Variants in MFN1 observed in about 807,000 individuals in gnomAD.
The protein encoded by MFN1 is mitofusin 1.
In MFN1, 65 loss-of-function variants were observed where a neutral mutation model predicts 92.4. That is an observed-to-expected ratio of 0.70 (90% CI 0.58 to 0.86). The LOEUF (loss-of-function observed/expected upper bound fraction) is 0.86. Ranked by LOEUF, MFN1 falls within the 40% of genes least tolerant of loss-of-function variation. The pLI, the probability that MFN1 is intolerant of heterozygous loss-of-function variation, is 0.00. For missense variants in MFN1, 781 were observed against 868.0 expected, an observed-to-expected ratio of 0.90 and a Z score of 1.26; for synonymous variants, 297 against 300.9, an observed-to-expected ratio of 0.99 and a Z score of 0.13.
chr3:179,365,893 A>G (rs2108535736), intron 7 of MFN1, among the ~76,000 whole-genome samples: 1 of 152,352 alleles, frequency 6.6e-6, no homozygotes, highest in African/African-American at 2.4e-5. Context: ...ATCTGTGACT[A>G]TACTACAATT....
intron 11 of MFN1, 21 bp from the exon 12 acceptor site, chr3:179,377,323 C>T: frequency 1.3e-6 from 2 of 1,564,584 alleles, no homozygotes; most frequent in Non-Finnish European, 1.7e-6. Flanking sequence ...TATTTTAACT[C>T]CAAAATTTTC....
intron 14 of MFN1, 100 bp downstream of exon 14, chr3:179,378,914 A>T: frequency 1.1e-6 from 1 of 880,080 alleles, no homozygotes; most frequent in Non-Finnish European, 1.7e-6. Context: ...GCACATTTAA[A>T]AGCTAGTATC....
chr3:179,348,527 AC>A (rs1712010234), intron 1 of MFN1, among the ~76,000 whole-genome samples: 1 of 152,206 alleles, frequency 6.6e-6, no homozygotes, highest in African/African-American at 2.4e-5. Flanking sequence ...CGCCTCACTA[AC>A]CCTGTTCCCT....
intron 5 of MFN1, among the ~76,000 whole-genome samples, chr3:179,363,210 T>G (rs991095614): frequency 2.6e-5 from 4 of 152,112 alleles, no homozygotes; most frequent in Admixed American, 6.5e-5. Flanking sequence ...TTCAAGCCAT[T>G]CTTGTGCCTC....
chr3:179,377,374 C>G lies in MFN1; in HGVS notation c.1255C>G (p.Arg419Gly), dbSNP rs1456956963. The part of the protein sequence containing the change: ...VSCAMTDEIC[R>G]LSVLVDEFCS... The stretch of plus-strand genomic sequence containing the variant: ...ATGTGCAATGACAGATGAAATTTGT[C>G]GACTGTCTGTTTTGGTTGATGAATT... The change falls in exon 12 of 18, where the codon CGA (arginine) becomes GGA (glycine). Residue 419 changes from arginine to glycine, a missense_variant. Arg to Gly is a moderately radical substitution (Grantham distance 125). Transcript: ENST00000471841. 6.2e-7 allele frequency: 1 copy of G among 1,608,976 alleles called. No individual in the cohort carries two copies. The highest frequency in any genetic ancestry group is 1.3e-5 in the African/African-American group (1 of 74,876).
intron 14 of MFN1, among the ~76,000 whole-genome samples, chr3:179,382,049 T>G (rs892368162): frequency 8.8e-5 from 13 of 147,638 alleles, no homozygotes; most frequent in Admixed American, 7.0e-4. Context: ...TCAAATAAAC[T>G]AGCATAAATA....
intron 15 of MFN1, 127 bp downstream of exon 15, chr3:179,385,848 G>T: frequency 2.1e-6 from 2 of 931,386 alleles, no homozygotes; most frequent in Admixed American, 3.2e-5. Flanking sequence ...ATGAAAATTT[G>T]CAGGTTAAAA....
intron 3 of MFN1, 52 bp from the exon 4 acceptor site, chr3:179,358,787 AC>A: frequency 1.9e-6 from 3 of 1,545,388 alleles, no homozygotes; most frequent in Non-Finnish European, 2.6e-6. Context: ...CAGTGAAAGA[AC>A]TACTTTTTTT....
At chr3:179,378,481 T>A (rs746040604) in intron 13 of MFN1, 38 bp downstream of exon 13, 27 of 1,549,004 alleles carry the variant, frequency 1.7e-5, no homozygotes, top group Middle Eastern at 1.7e-4. Context: ...CTGGTTTGTT[T>A]TTTCATTCAT....
chr3:179,387,410 G>C (rs1000485094), intron 16 of MFN1, among the ~76,000 whole-genome samples: 1 of 151,964 alleles, frequency 6.6e-6, no homozygotes, highest in East Asian at 2.0e-4. Flanking sequence ...GCCGGGCATG[G>C]TAGCACATGC....
intron 4 of MFN1, among the ~76,000 whole-genome samples, chr3:179,360,087 T>G (rs1712515856): frequency 1.3e-5 from 2 of 151,984 alleles, no homozygotes; most frequent in African/African-American, 4.8e-5. Flanking sequence ...GCCTAATTTT[T>G]GTAATTTTAG....
intron 4 of MFN1, chr3:179,359,624 G>A (rs56202632): frequency 7.5e-5 from 6 of 80,312 alleles, no homozygotes; most frequent in African/African-American, 2.7e-4. Context: ...TTTTTTATTA[G>A]AGACAGGGTT....
At chr3:179,377,751 CAGTG>C (rs1713298430) in intron 12 of MFN1, among the ~76,000 whole-genome samples, 2 of 151,932 alleles carry the variant, frequency 1.3e-5, no homozygotes, top group South Asian at 4.2e-4. Flanking sequence ...CTGGGCAACA[CAGTG>C]AGAACTCTAA....
At chr3:179,385,252 GTTGT>G (rs1713634195) in intron 14 of MFN1, among the ~76,000 whole-genome samples, 2 of 148,630 alleles carry the variant, frequency 1.3e-5, no homozygotes, top group Admixed American at 6.7e-5. Context: ...ATTTTTTGTT[GTTGT>G]TTGTTTCAAG....
chr3:179,366,287 G>A (rs779080612), intron 7 of MFN1, among the ~76,000 whole-genome samples: 5 of 151,998 alleles, frequency 3.3e-5, no homozygotes, highest in Non-Finnish European at 7.4e-5. Flanking sequence ...GAATATGTTC[G>A]ATTTTAGTAA....
intron 1 of MFN1, 72 bp from the exon 2 acceptor site, chr3:179,348,773 A>G (rs779676515): frequency 6.4e-7 from 1 of 1,555,416 alleles, no homozygotes; most frequent in East Asian, 2.3e-5. Flanking sequence ...GATGAATGTC[A>G]CTGGTGTGTC....
chr3:179,373,380 T>C (rs911567722), intron 9 of MFN1, among the ~76,000 whole-genome samples: 3 of 152,190 alleles, frequency 2.0e-5, no homozygotes, highest in African/African-American at 7.2e-5. Context: ...GAGTATTAAG[T>C]AAATGCCTTT....
At chr3:179,378,241 TA>T in intron 12 of MFN1, 99 bp from the exon 13 acceptor site, 1 of 920,172 alleles carries the variant, frequency 1.1e-6, no homozygotes, top group African/African-American at 1.8e-5. Context: ...AAAGTCAAAT[TA>T]AAAAGACCAT....
intron 14 of MFN1, among the ~76,000 whole-genome samples, chr3:179,380,666 T>C (rs114498616): frequency 0.015 from 2,268 of 152,338 alleles, 51 homozygotes; most frequent in African/African-American, 0.051. Flanking sequence ...CAGGGTATTC[T>C]ACGATCAATG....
Sources: gnomAD v4.1 joint callset for allele counts (sites outside exome capture counted in the v4.1 genomes callset) on GRCh38, gnomAD v4.1.1 for gene constraint, MANE v1.5 for transcripts, NCBI Gene and HGNC (gene_info 2026-07-23, HGNC 2026-07-21) for gene names.